CTNNA3: variants seen among roughly 807,000 people sequenced by gnomAD.
CTNNA3 encodes the protein catenin alpha-3.
A neutral mutation model predicts 95.7 loss-of-function variants in CTNNA3; 76 were observed. The ratio of observed to expected loss-of-function variants is 0.79; its 90% CI spans 0.66 to 0.96. The LOEUF (loss-of-function observed/expected upper bound fraction) is 0.96, where lower values mean the gene tolerates loss of function less well. Among genes scored for constraint, CTNNA3 ranks in the 40% least tolerant of loss-of-function variants. The probability of loss-of-function intolerance (pLI) is 0.00; values close to 1 mark genes in which losing one functional copy is unlikely to be tolerated. For missense variants in CTNNA3, 1,191 were observed against 1,089.8 expected (o/e 1.09, Z -1.31); for synonymous variants, 431 against 374.4 (o/e 1.15, Z -1.74).
At chr10:67,581,520 CTT>C (rs1842396313) in intron 3 of CTNNA3, among the ~76,000 whole-genome samples, 1 of 152,090 alleles carries the variant, frequency 6.6e-6, no homozygotes. Flanking sequence ...CTAAAATTCT[CTT>C]TGTTTGTTGT....
At chr10:67,025,364 A>T (rs1407983886) in intron 7 of CTNNA3, among the ~76,000 whole-genome samples, 2 of 151,744 alleles carry the variant, frequency 1.3e-5, no homozygotes, top group East Asian at 3.9e-4. Flanking sequence ...AACTAAAAAC[A>T]TGGTTTTGTA....
chr10:67,517,507 A>G (rs1361247092), intron 5 of CTNNA3, among the ~76,000 whole-genome samples: 1 of 152,122 alleles, frequency 6.6e-6, no homozygotes, highest in Non-Finnish European at 1.5e-5. Context: ...CACCCAGTTT[A>G]GTAAAAGAAA....
At chr10:66,917,853 T>G (rs1292833507) in intron 7 of CTNNA3, among the ~76,000 whole-genome samples, 2 of 152,222 alleles carry the variant, frequency 1.3e-5, no homozygotes, top group Non-Finnish European at 2.9e-5. Flanking sequence ...TAAAGAACAC[T>G]GACTGACTTT....
chr10:67,450,465 A>T (rs1340999686), intron 5 of CTNNA3, among the ~76,000 whole-genome samples: 1 of 152,208 alleles, frequency 6.6e-6, no homozygotes, highest in Non-Finnish European at 1.5e-5. Flanking sequence ...AAAGAATGAG[A>T]TCATGTCTTT....
intron 5 of CTNNA3, among the ~76,000 whole-genome samples, chr10:67,432,846 T>C (rs1004500083): frequency 1.3e-5 from 2 of 152,068 alleles, no homozygotes; most frequent in Non-Finnish European, 2.9e-5. Flanking sequence ...GATATAGTTT[T>C]TCTTTCTTGC....
chr10:66,956,908 T>G (rs990798616), intron 7 of CTNNA3, among the ~76,000 whole-genome samples: 5 of 152,290 alleles, frequency 3.3e-5, no homozygotes, highest in African/African-American at 1.2e-4. Context: ...AGAAGCTTTT[T>G]GGGGAAATTA....
chr10:67,162,402 A>G (rs1364182612), intron 7 of CTNNA3, among the ~76,000 whole-genome samples: 3 of 121,234 alleles, frequency 2.5e-5, no homozygotes, highest in Non-Finnish European at 4.6e-5. Context: ...AATAGCCTCA[A>G]TATATGTAAA....
intron 10 of CTNNA3, among the ~76,000 whole-genome samples, chr10:66,591,617 C>T (rs1241684677): frequency 6.6e-6 from 1 of 152,076 alleles, no homozygotes; most frequent in Non-Finnish European, 1.5e-5. Context: ...ATCCACCCAT[C>T]TTTAGCTAAC....
intron 3 of CTNNA3, among the ~76,000 whole-genome samples, chr10:67,589,316 G>T (rs1842726645): frequency 6.6e-6 from 1 of 151,746 alleles, no homozygotes; most frequent in Non-Finnish European, 1.5e-5. Flanking sequence ...ATATACTCTG[G>T]GTGCCCAGGA....
chr10:66,478,638 A>G (rs906897375), intron 11 of CTNNA3, among the ~76,000 whole-genome samples: 1 of 151,940 alleles, frequency 6.6e-6, no homozygotes, highest in African/African-American at 2.4e-5. Flanking sequence ...TATTAGTAAT[A>G]AAGCTTAACG....
At chr10:67,034,478 T>A (rs537145077) in intron 7 of CTNNA3, among the ~76,000 whole-genome samples, 52 of 152,320 alleles carry the variant, frequency 3.4e-4, no homozygotes, top group African/African-American at 1.2e-3. Context: ...GCCTATACTC[T>A]CTAGTGTCTT....
intron 17 of CTNNA3, among the ~76,000 whole-genome samples, chr10:65,931,634 A>G (rs1047419853): frequency 6.6e-6 from 1 of 152,236 alleles, no homozygotes; most frequent in Non-Finnish European, 1.5e-5. Flanking sequence ...CTAAGTGAAT[A>G]TCAGAGGTTG....
intron 7 of CTNNA3, among the ~76,000 whole-genome samples, chr10:67,172,709 T>C (rs4746668): frequency 0.3 from 45,362 of 151,940 alleles, 9,994 homozygotes; most frequent in African/African-American, 0.63. Flanking sequence ...CACGGTGGCT[T>C]ACGCCTGTAA....
At chr10:66,281,507 G>C (rs573216517) in intron 12 of CTNNA3, among the ~76,000 whole-genome samples, 4 of 151,756 alleles carry the variant, frequency 2.6e-5, no homozygotes, top group Non-Finnish European at 4.4e-5. Flanking sequence ...TGTAATTAGA[G>C]ATGTGAACTC....
At chr10:66,449,343 A>G (rs1052978994) in intron 11 of CTNNA3, among the ~76,000 whole-genome samples, 3 of 152,126 alleles carry the variant, frequency 2.0e-5, no homozygotes, top group African/African-American at 7.2e-5. Context: ...GCCAACCAAC[A>G]AAGAAACAAG....
chr10:67,434,361 T>G (rs887800228), intron 5 of CTNNA3, among the ~76,000 whole-genome samples: 4 of 152,008 alleles, frequency 2.6e-5, no homozygotes, highest in Admixed American at 2.6e-4. Flanking sequence ...TATCACAGTT[T>G]CTAGAATACT....
chr10:67,647,628 A>G (rs938070633), intron 1 of CTNNA3, 110 bp from the exon 2 acceptor site: 15 of 755,546 alleles, frequency 2.0e-5, no homozygotes, highest in Non-Finnish European at 3.3e-5. Flanking sequence ...CCTCTTCCTG[A>G]TATCAACCAT....
At position 67,721,296 on chromosome 10, in the gene CTNNA3, A is replaced by G. The variant is rs188354685; in HGVS notation, c.-2+42138T>C. Among the ~76,000 whole-genome samples the G allele has an allele frequency of 6.6e-5, 10 of 152,234 alleles. No individual in the cohort carries two copies. In the East Asian group the frequency reaches 1.2e-3, roughly 18 times the overall value. On this transcript the variant is annotated intron_variant, in intron 1 of 17. Transcript: ENST00000684154. ...CTCTCCATCAGTTTCAGGTACACCAATCAAACTTAGGTTTGGTCTTTTCAC... is the reference window on the plus strand; with the variant it reads ...CTCTCCATCAGTTTCAGGTACACCAGTCAAACTTAGGTTTGGTCTTTTCAC...
chr10:67,304,226 A>G (rs1313368043), intron 5 of CTNNA3, among the ~76,000 whole-genome samples: 1 of 152,198 alleles, frequency 6.6e-6, no homozygotes, highest in African/African-American at 2.4e-5. Flanking sequence ...CAATGCTTGT[A>G]TCCATCTATT....
Sources: allele counts gnomAD v4.1 joint callset (sites outside exome capture counted in the v4.1 genomes callset), GRCh38; gene constraint gnomAD v4.1.1; transcripts MANE v1.5; gene names NCBI Gene and HGNC (gene_info 2026-07-23, HGNC 2026-07-21).